Variants in CXCL13 observed in about 807,000 individuals in gnomAD.
CXCL13 encodes the protein C-X-C motif chemokine ligand 13, also known as C-X-C motif chemokine 13.
In CXCL13, 7 loss-of-function variants were observed where a neutral mutation model predicts 12.2. The ratio of observed to expected loss-of-function variants is 0.57; its 90% CI spans 0.33 to 1.07. CXCL13 has a LOEUF of 1.07. Among genes scored for constraint, CXCL13 ranks in the 50% least tolerant of loss-of-function variants. CXCL13 has a pLI of 0.04. For synonymous variants in CXCL13, 47 were observed against 42.4 expected (o/e 1.11, Z -0.42); for missense variants, 113 against 127.4 (o/e 0.89, Z 0.55).
chr4:77,539,319 G>T (rs1578043761), intron 1 of CXCL13, among the ~76,000 whole-genome samples: 1 of 152,138 alleles, frequency 6.6e-6, no homozygotes, highest in East Asian at 1.9e-4. Context: ...TAGAGACAGG[G>T]GTTTGCCACT....
chr4:77,557,874 T>C (rs189674596), intron 1 of CXCL13, among the ~76,000 whole-genome samples: 44 of 152,326 alleles, frequency 2.9e-4, no homozygotes, highest in Middle Eastern at 6.8e-3. Flanking sequence ...TATGTGTACT[T>C]CTCTGAGCCT....
At chr4:77,537,061 A>G (rs1235568273) in intron 1 of CXCL13, among the ~76,000 whole-genome samples, 1 of 152,250 alleles carries the variant, frequency 6.6e-6, no homozygotes, top group East Asian at 1.9e-4. Flanking sequence ...TACTATTAGT[A>G]GCAATGACAT....
chr4:77,540,712 A>G (rs945660906), intron 1 of CXCL13, among the ~76,000 whole-genome samples: 1 of 152,198 alleles, frequency 6.6e-6, no homozygotes, highest in African/African-American at 2.4e-5. Flanking sequence ...TATTGTGAAT[A>G]GTTCTGTGAT....
intron 1 of CXCL13, among the ~76,000 whole-genome samples, chr4:77,542,651 C>T (rs775278271): frequency 6.6e-5 from 10 of 152,032 alleles, no homozygotes; most frequent in East Asian, 3.9e-4. Context: ...ATTCTGTTTA[C>T]GTGGTGAATC....
intron 1 of CXCL13, among the ~76,000 whole-genome samples, chr4:77,547,080 T>C (rs1725384854): frequency 6.6e-6 from 1 of 152,246 alleles, no homozygotes; most frequent in Admixed American, 6.5e-5. Context: ...CAAGTACTAA[T>C]TTGATTGCAC....
intron 1 of CXCL13, among the ~76,000 whole-genome samples, chr4:77,524,768 A>T (rs1724719670): frequency 6.6e-6 from 1 of 152,152 alleles, no homozygotes; most frequent in African/African-American, 2.4e-5. Flanking sequence ...CAGGTACCTC[A>T]GTTGGAAATG....
chr4:77,603,875 C>A (rs889863855), upstream of CXCL13, among the ~76,000 whole-genome samples: 1 of 152,194 alleles, frequency 6.6e-6, no homozygotes, highest in African/African-American at 2.4e-5. Context: ...ATACCAGGTG[C>A]TTTCTTCTCC....
chr4:77,566,792 G>A (rs957908582), intron 1 of CXCL13, among the ~76,000 whole-genome samples: 6 of 152,020 alleles, frequency 3.9e-5, no homozygotes, highest in African/African-American at 1.5e-4. Context: ...ACTACAAAAC[G>A]TAACAACACA....
chr4:77,598,848 C>G (rs1044391971), intron 1 of CXCL13, among the ~76,000 whole-genome samples: 6 of 151,904 alleles, frequency 3.9e-5, no homozygotes, highest in African/African-American at 1.5e-4. Context: ...TGGAGTCTCA[C>G]CCAGGCTGGA....
intron 3 of CXCL13, 43 bp downstream of exon 3, chr4:77,610,737 T>C (rs765631049): frequency 9.7e-6 from 14 of 1,438,038 alleles, no homozygotes; most frequent in South Asian, 9.2e-5. Context: ...CAACTTGTAC[T>C]GAAGAGTTTC....
At chr4:77,597,772 T>A (rs1447444614) in intron 1 of CXCL13, among the ~76,000 whole-genome samples, 1 of 152,118 alleles carries the variant, frequency 6.6e-6, no homozygotes, top group Non-Finnish European at 1.5e-5. Flanking sequence ...GTGGCCACAT[T>A]CTATGTCCAA....
chr4:77,564,789 A>G (rs1725885098), intron 1 of CXCL13, among the ~76,000 whole-genome samples: 1 of 152,198 alleles, frequency 6.6e-6, no homozygotes, highest in Non-Finnish European at 1.5e-5. Context: ...TCTAAAAGGC[A>G]TGATGGAGCA....
intron 1 of CXCL13, among the ~76,000 whole-genome samples, chr4:77,573,764 C>T (rs982506652): frequency 1.6e-4 from 25 of 151,926 alleles, no homozygotes; most frequent in Admixed American, 7.9e-4. Flanking sequence ...GGTTCAATTC[C>T]TGGCTTAGGG....
intron 1 of CXCL13, among the ~76,000 whole-genome samples, chr4:77,537,414 G>T (rs72861922): frequency 3.8e-4 from 58 of 152,298 alleles, no homozygotes; most frequent in African/African-American, 1.3e-3. Context: ...TGTTGTCAGA[G>T]CTCCCTATTG....
chr4:77,544,626 T>C (rs190185850), intron 1 of CXCL13, among the ~76,000 whole-genome samples: 1 of 152,106 alleles, frequency 6.6e-6, no homozygotes, highest in Non-Finnish European at 1.5e-5. Context: ...GTTTGAGTTC[T>C]TTGTAGATTC....
upstream of CXCL13, among the ~76,000 whole-genome samples, chr4:77,601,132 T>G (rs772294553): frequency 1.3e-5 from 2 of 152,148 alleles, no homozygotes; most frequent in Non-Finnish European, 2.9e-5. Flanking sequence ...CGTTTTAGGT[T>G]TGTGGTGGCT....
rs377509161 is a variant in CXCL13, at chr4:77,591,377, C to T, written c.-42-14447C>T. 6.6e-5 allele frequency among the ~76,000 whole-genome samples: 10 copies of T among 151,606 alleles called. No individual in the cohort carries two copies. The East Asian group carries it at 1.2e-3, about 18-fold the overall frequency. On this transcript the variant is annotated intron_variant, in intron 1 of 4. Transcript: ENST00000286758. ...CATCCTGGCTAACAAGGTGAAACCC[C>T]GTTTCTACTAAAAAATACAAAAAAT...
chr4:77,533,012 G>A lies in CXCL13; in HGVS notation c.-43+21224G>A, dbSNP rs574440180. Among the ~76,000 whole-genome samples, 689 of 152,086 alleles carry A rather than the reference G, an allele frequency of 4.5e-3. 17 individuals are homozygous for A. Among genetic ancestry groups the A allele is most frequent in the East Asian group, 0.026 (137 of 5,174 alleles). ...TCCTTTAGCTCAGAGTAGTTTGATC[G>A]TCTGAAGTCTTCTTCTCTCAAATCA... On this transcript the variant is annotated intron_variant, in intron 1 of 4. Coordinates refer to the CXCL13 transcript ENST00000286758.
chr4:77,515,421 G>T lies in CXCL13; in HGVS notation c.-43+3633G>T, dbSNP rs564188921. On this transcript the variant is annotated intron_variant, in intron 1 of 4. Transcript: ENST00000286758. ...GCAGTATGGCCATTTTCACGATATTGATTCTTCCTACCCATGAGCATGGAA... is the reference window on the plus strand; with the variant it reads ...GCAGTATGGCCATTTTCACGATATTTATTCTTCCTACCCATGAGCATGGAA... Among the ~76,000 whole-genome samples the T allele has an allele frequency of 7.0e-4, 107 of 152,244 alleles. 3 individuals are homozygous for T. In the South Asian group the frequency reaches 0.022, roughly 31 times the overall value.
Sources: gnomAD v4.1 joint callset for allele counts (sites outside exome capture counted in the v4.1 genomes callset) on GRCh38, gnomAD v4.1.1 for gene constraint, MANE v1.5 for transcripts, NCBI Gene and HGNC (gene_info 2026-07-23, HGNC 2026-07-21) for gene names.